Variants in CADM2 observed in about 807,000 individuals in gnomAD.
CADM2 encodes immunoglobulin superfamily member 4D.
In CADM2, 12 loss-of-function variants were observed where a neutral mutation model predicts 49.8. The ratio of observed to expected loss-of-function variants is 0.24; its 90% confidence interval spans 0.15 to 0.39. CADM2 has a LOEUF of 0.39. CADM2 is among the 10% of genes least tolerant of loss of function. The probability of loss-of-function intolerance (pLI) is 1.00; values close to 1 mark genes in which losing one functional copy is unlikely to be tolerated. For synonymous variants in CADM2, 214 were observed against 175.4 expected (o/e 1.22, Z -1.74); for missense variants, 378 against 492.3 (o/e 0.77, Z 2.20).
At chr3:85,644,247 G>C (rs575384259) in intron 1 of CADM2, among the ~76,000 whole-genome samples, 14 of 152,236 alleles carry the variant, frequency 9.2e-5, no homozygotes, top group South Asian at 6.2e-4. Flanking sequence ...TGCAAAGAAA[G>C]AGAGAGAGGA....
At chr3:85,247,588 T>C in intron 1 of CADM2, among the ~76,000 whole-genome samples, 1 of 152,326 alleles carries the variant, frequency 6.6e-6, no homozygotes, top group South Asian at 2.1e-4. Flanking sequence ...TATAAATGAT[T>C]ATAAATTAGG....
At chr3:85,030,096 G>C (rs573314486) in intron 1 of CADM2, among the ~76,000 whole-genome samples, 1 of 152,066 alleles carries the variant, frequency 6.6e-6, no homozygotes, top group African/African-American at 2.4e-5. Flanking sequence ...GGACGTAATC[G>C]TTTCCAGAAC....
intron 2 of CADM2, among the ~76,000 whole-genome samples, chr3:85,780,586 A>G (rs1229054640): frequency 2.0e-5 from 3 of 152,148 alleles, no homozygotes; most frequent in African/African-American, 7.2e-5. Flanking sequence ...TTCCCAAAAC[A>G]TTGCCTTCTG....
rs1227804447 is a variant in CADM2 at position 86,074,368 on chromosome 3, G to C, written c.*7585G>C. 2.0e-5 allele frequency: 3 copies of C among 151,878 alleles called. No homozygotes were observed. Among genetic ancestry groups the C allele is most frequent in the African/African-American group, 7.2e-5 (3 of 41,416 alleles). The allele number at this position is 151,878 out of a possible 1,614,324, so 9.4% of individuals were successfully genotyped here. A position where few individuals can be genotyped will look rare whatever the true frequency, so the allele number is the denominator to read the frequency against. On this transcript the variant is annotated 3_prime_UTR_variant, in exon 10 of 10. Transcript: ENST00000383699. ...GCTGTACAAGATTTAGTGTCATTGG[G>C]TCTCATATTTGTGTTAGACCATGAA...
intron 1 of CADM2, among the ~76,000 whole-genome samples, chr3:85,226,453 G>C (rs1349631584): frequency 6.6e-6 from 1 of 152,040 alleles, no homozygotes; most frequent in Non-Finnish European, 1.5e-5. Context: ...GTATTTCTGT[G>C]GGACTGGGGG....
intron 8 of CADM2, among the ~76,000 whole-genome samples, chr3:86,054,100 T>C (rs1204773821): frequency 1.3e-5 from 2 of 151,950 alleles, no homozygotes; most frequent in African/African-American, 2.4e-5. Flanking sequence ...CATAACTTAG[T>C]ACATGAAAAA....
intron 8 of CADM2, among the ~76,000 whole-genome samples, chr3:85,978,007 A>G (rs973382969): frequency 6.6e-5 from 10 of 151,636 alleles, no homozygotes; most frequent in African/African-American, 2.2e-4. Context: ...AGAGAATGAC[A>G]GGAAACCTTT....
intron 1 of CADM2, among the ~76,000 whole-genome samples, chr3:85,278,266 G>A (rs1445547961): frequency 6.6e-6 from 1 of 151,158 alleles, no homozygotes; most frequent in Non-Finnish European, 1.5e-5. Flanking sequence ...CAATAAATAT[G>A]ATCTCACATT....
At chr3:85,900,214 A>T (rs1715927189) in intron 5 of CADM2, among the ~76,000 whole-genome samples, 1 of 152,142 alleles carries the variant, frequency 6.6e-6, no homozygotes, top group Non-Finnish European at 1.5e-5. Flanking sequence ...TGTCTCTGTT[A>T]CTTCATCTAG....
chr3:85,836,974 A>G (rs2074437297), intron 3 of CADM2, among the ~76,000 whole-genome samples: 1 of 151,642 alleles, frequency 6.6e-6, no homozygotes, highest in East Asian at 1.9e-4. Flanking sequence ...TATGAATTAC[A>G]TAGGAGGGAT....
chr3:85,607,316 G>A (rs912368811), intron 1 of CADM2, among the ~76,000 whole-genome samples: 2 of 152,196 alleles, frequency 1.3e-5, no homozygotes, highest in East Asian at 3.9e-4. Flanking sequence ...AGAGAATCTT[G>A]TGTGCTCATG....
intron 1 of CADM2, among the ~76,000 whole-genome samples, chr3:85,653,938 G>T (rs777467317): frequency 9.2e-5 from 14 of 152,218 alleles, no homozygotes; most frequent in Non-Finnish European, 1.8e-4. Flanking sequence ...TGAAGAAAGT[G>T]TTTCAATGAT....
chr3:85,286,480 C>T (rs1378014873), intron 1 of CADM2, among the ~76,000 whole-genome samples: 1 of 152,110 alleles, frequency 6.6e-6, no homozygotes. Context: ...TGGCAAGTGA[C>T]ATTTGGAGTT....
intron 1 of CADM2, among the ~76,000 whole-genome samples, chr3:85,278,163 T>C (rs2043406556): frequency 6.6e-6 from 1 of 151,252 alleles, no homozygotes; most frequent in South Asian, 2.1e-4. Flanking sequence ...GTAGAGTAAG[T>C]TAAAAACTAG....
At chr3:85,186,895 G>A (rs1423647259) in intron 1 of CADM2, among the ~76,000 whole-genome samples, 2 of 152,104 alleles carry the variant, frequency 1.3e-5, no homozygotes, top group Non-Finnish European at 2.9e-5. Flanking sequence ...AGATTCCTTT[G>A]CTTTAATATG....
intron 2 of CADM2, among the ~76,000 whole-genome samples, chr3:85,747,881 T>C (rs191632293): frequency 6.6e-6 from 1 of 152,248 alleles, no homozygotes; most frequent in Admixed American, 6.6e-5. Flanking sequence ...AATTATGTGC[T>C]GTAGGATGAC....
intron 1 of CADM2, among the ~76,000 whole-genome samples, chr3:85,612,255 TTG>T (rs2063699310): frequency 6.6e-6 from 1 of 151,880 alleles, no homozygotes; most frequent in Non-Finnish European, 1.5e-5. Context: ...AACTAACAGT[TTG>T]TGATTCCTGT....
At chr3:85,421,007 G>A (rs960291014) in intron 1 of CADM2, among the ~76,000 whole-genome samples, 2 of 152,022 alleles carry the variant, frequency 1.3e-5, no homozygotes, top group Admixed American at 6.6e-5. Context: ...TATTTAAATA[G>A]CAGAAAATAC....
chr3:85,360,929 A>C (rs374179639), intron 1 of CADM2, among the ~76,000 whole-genome samples: 2 of 152,152 alleles, frequency 1.3e-5, no homozygotes, highest in African/African-American at 2.4e-5. Context: ...TTCACATGCT[A>C]GTTCTCATTC....
Sources: allele counts gnomAD v4.1 joint callset (sites outside exome capture counted in the v4.1 genomes callset), GRCh38; gene constraint gnomAD v4.1.1; transcripts MANE v1.5; gene names NCBI Gene and HGNC (gene_info 2026-07-23, HGNC 2026-07-21).